The following ZC3H18 variants were observed in gnomAD, a reference collection of about 807,000 sequenced individuals.
ZC3H18 encodes zinc finger CCCH-type containing 18, also known as zinc finger CCCH domain-containing protein 18.
In ZC3H18, 8 loss-of-function variants were observed where a neutral mutation model predicts 106.1. The ratio of observed to expected loss-of-function variants is 0.08; its 90% CI spans 0.04 to 0.14. The LOEUF (loss-of-function observed/expected upper bound fraction) is 0.14. Among genes scored for constraint, ZC3H18 ranks in the 10% least tolerant of loss-of-function variants. ZC3H18 has a pLI of 1.00. For missense variants in ZC3H18, 1,318 were observed against 1,278.4 expected (o/e 1.03, Z -0.47); for synonymous variants, 635 against 522.1 (o/e 1.22, Z -2.95).
chr16:88,625,280 A>G lies in ZC3H18; in HGVS notation c.2108+13A>G, dbSNP rs1268956216. On this transcript the variant is annotated intron_variant, in intron 13 of 17. Coordinates refer to ENST00000301011, the MANE Select transcript of ZC3H18 (RefSeq NM_144604.4). ...GCTCCCGATCCAGGTCATCCCCATC[A>G]CCCTGTGCCTCTGTTTCTCCCTCCC... is the stretch of plus-strand genomic sequence containing the variant. The G allele has an allele frequency of 2.5e-6, 4 of 1,577,376 alleles. No individual in the cohort carries two copies. Among genetic ancestry groups the G allele is most frequent in the Admixed American group, 3.6e-5 (2 of 55,372 alleles).
At position 88,586,660 on chromosome 16, in the gene ZC3H18, C is replaced by G. The variant is rs1915452833; in HGVS notation, c.664C>G (p.Pro222Ala). The G allele has an allele frequency of 3.7e-6, 6 of 1,614,074 alleles. No homozygotes were observed. The Admixed American group carries it at 8.3e-5, about 22-fold the overall frequency. The change falls in exon 3 of 18, where the codon CCC becomes GCC. Residue 222 changes from proline to alanine, a missense_variant. Pro to Ala is a conservative substitution (Grantham distance 27). Transcript: ENST00000301011. ...DPSDRKVRPR[P>A]TCRFFMKGNC... ...CAGTGACAGGAAGGTGAGGCCTCGT[C>G]CCACCTGCCGGTTCTTCATGAAAGG...
intron 6 of ZC3H18, among the ~76,000 whole-genome samples, chr16:88,604,232 G>C (rs1044918885): frequency 6.6e-6 from 1 of 151,972 alleles, no homozygotes; most frequent in Non-Finnish European, 1.5e-5. Flanking sequence ...CGCACCTGTA[G>C]TCCCAGCTAC....
At chr16:88,573,423 A>T (rs532584514) in intron 1 of ZC3H18, among the ~76,000 whole-genome samples, 1 of 152,204 alleles carries the variant, frequency 6.6e-6, no homozygotes, top group African/African-American at 2.4e-5. Context: ...AGTCTTGAAC[A>T]GTCAGTGCGT....
chr16:88,580,604 A>G (rs1915066250), intron 2 of ZC3H18, among the ~76,000 whole-genome samples: 2 of 151,968 alleles, frequency 1.3e-5, no homozygotes. Flanking sequence ...TCTCTGCCGT[A>G]TCTCCACCAA....
intron 6 of ZC3H18, among the ~76,000 whole-genome samples, chr16:88,607,833 C>T (rs1040520244): frequency 3.9e-5 from 6 of 152,172 alleles, no homozygotes; most frequent in South Asian, 2.1e-4. Flanking sequence ...TATTCACGCA[C>T]GCTTCATGTC....
intron 15 of ZC3H18, 196 bp from the exon 16 acceptor site, chr16:88,628,562 G>A: frequency 1.7e-6 from 1 of 601,458 alleles, no homozygotes; most frequent in South Asian, 2.0e-5. Context: ...GAACGTGAAG[G>A]GCCCCAAGTG....
intron 2 of ZC3H18, 152 bp downstream of exon 2, chr16:88,577,878 C>G (rs1223663204): frequency 7.1e-7 from 1 of 1,406,752 alleles, no homozygotes; most frequent in African/African-American, 1.4e-5. Context: ...TGGGTTCAGT[C>G]CCATAGTGAT....
At chr16:88,577,796 G>C (rs1292282938) in intron 2 of ZC3H18, 70 bp downstream of exon 2, 1 of 1,608,396 alleles carries the variant, frequency 6.2e-7, no homozygotes, top group African/African-American at 1.3e-5. Context: ...GTGCTGGAAA[G>C]GAGGGACTCT....
intron 1 of ZC3H18, among the ~76,000 whole-genome samples, chr16:88,571,443 C>T (rs1480362053): frequency 1.3e-5 from 2 of 152,192 alleles, no homozygotes; most frequent in African/African-American, 2.4e-5. Flanking sequence ...CTTTCCCGTT[C>T]AGTAGTTGGG....
At chr16:88,601,696 T>G (rs1002873648) in intron 6 of ZC3H18, among the ~76,000 whole-genome samples, 1 of 152,172 alleles carries the variant, frequency 6.6e-6, no homozygotes, top group African/African-American at 2.4e-5. Flanking sequence ...TGAAAGGTTT[T>G]CACTGGTGTC....
At position 88,631,878 on chromosome 16, in the gene ZC3H18, AAAG is replaced by A; in HGVS notation, c.*580_*582del. The stretch of plus-strand genomic sequence containing the variant: ...GGAAAAAATACAGAAAAGACCAAAA[AAAG>A]GCCAAGGGTGTTGTTGGGGCGTCTG... On this transcript the variant is annotated 3_prime_UTR_variant, in exon 18 of 18. Coordinates refer to ENST00000301011, the MANE Select transcript of ZC3H18 (RefSeq NM_144604.4). The A allele has an allele frequency of 3.4e-6, 1 of 293,562 alleles. No individual in the cohort carries two copies. The allele number at this position is 293,562 out of a possible 1,614,324, so 18.2% of individuals were successfully genotyped here.
At chr16:88,626,194 C>T (rs553187827) in intron 13 of ZC3H18, 1 of 152,164 alleles carries the variant, frequency 6.6e-6, no homozygotes, top group African/African-American at 2.4e-5. Flanking sequence ...TCAGGTGATC[C>T]ATCCGCCTCG....
chr16:88,606,564 A>G (rs938471655), intron 6 of ZC3H18, among the ~76,000 whole-genome samples: 3 of 152,232 alleles, frequency 2.0e-5, no homozygotes, highest in African/African-American at 7.2e-5. Context: ...GGCTTACGCA[A>G]TCAGCCTCAG....
intron 6 of ZC3H18, among the ~76,000 whole-genome samples, chr16:88,602,105 G>T (rs1369287617): frequency 6.6e-6 from 1 of 152,202 alleles, no homozygotes; most frequent in Non-Finnish European, 1.5e-5. Context: ...CGTGCTGTTG[G>T]CAGGAGTGGG....
At chr16:88,573,916 A>G (rs950956789) in intron 1 of ZC3H18, among the ~76,000 whole-genome samples, 8 of 151,412 alleles carry the variant, frequency 5.3e-5, no homozygotes, top group Non-Finnish European at 1.2e-4. Context: ...CTTTTTGCCC[A>G]TGCTGGAGAG....
chr16:88,580,130 G>T (rs950451057), intron 2 of ZC3H18, among the ~76,000 whole-genome samples: 1 of 150,650 alleles, frequency 6.6e-6, no homozygotes. Context: ...TGTTGCCTCT[G>T]CCTCTCTGTC....
At position 88,623,256 on chromosome 16, in the gene ZC3H18, T is replaced by A. The variant is rs933003479; in HGVS notation, c.1705T>A (p.Ser569Thr). The A allele has an allele frequency of 1.2e-6, 2 of 1,613,220 alleles. No homozygotes were observed. Among genetic ancestry groups the A allele is most frequent in the Non-Finnish European group, 1.7e-6 (2 of 1,179,938 alleles). ...SRSSSYSGSGSSRSRSRSSSY... is the reference protein window; with the variant it reads ...SRSSSYSGSGTSRSRSRSSSY... The stretch of plus-strand genomic sequence containing the variant: ...GTCATCGTCCTACTCTGGCTCCGGC[T>A]CCTCCCGGTCGCGATCCCGGTCTTC... Residue 569 changes from serine (S) to threonine (T), a missense_variant, in exon 10 of 18, where the codon TCC becomes ACC. Around this residue, in one of 6 missense-constraint regions of ZC3H18, gnomAD observed 848 missense variants for 821.7 expected, o/e 1.03. Transcript: ENST00000301011.
intron 1 of ZC3H18, among the ~76,000 whole-genome samples, chr16:88,572,176 C>G (rs961850274): frequency 6.6e-6 from 1 of 152,238 alleles, no homozygotes; most frequent in African/African-American, 2.4e-5. Context: ...TACCAGAAGA[C>G]TTCTTTAGGC....
At chr16:88,611,603 C>A in intron 8 of ZC3H18, 67 bp downstream of exon 8, 1 of 1,506,314 alleles carries the variant, frequency 6.6e-7, no homozygotes, top group Non-Finnish European at 8.9e-7. Context: ...TACCTAGTCC[C>A]CCTGGCCTGC....
Sources: allele counts gnomAD v4.1 joint callset (sites outside exome capture counted in the v4.1 genomes callset), GRCh38; gene constraint gnomAD v4.1.1; regional missense constraint gnomAD v4.1.1; transcripts MANE v1.5; gene names NCBI Gene and HGNC (gene_info 2026-07-23, HGNC 2026-07-21).